Variants in SCHIP1 observed in about 807,000 individuals in gnomAD.
SCHIP1 encodes schwannomin-interacting protein 1.
A neutral mutation model predicts 29.7 loss-of-function variants in SCHIP1; 8 were observed. That is an observed-to-expected ratio of 0.27 (90% CI 0.16 to 0.49). The LOEUF (loss-of-function observed/expected upper bound fraction) is 0.49. Among genes scored for constraint, SCHIP1 ranks in the 20% least tolerant of loss-of-function variants. The pLI is 0.99. For synonymous variants in SCHIP1, 76 were observed against 94.9 expected (o/e 0.80, Z 1.16); for missense variants, 193 against 294.6 (o/e 0.66, Z 2.52).
At chr3:159,493,245 A>G in the SCHIP1 span, among the ~76,000 whole-genome samples, 5 of 152,256 alleles carry the variant, frequency 3.3e-5, no homozygotes, top group South Asian at 2.1e-4. Context: ...AAATTCACAC[A>G]TAACAATACT....
chr3:159,494,342 T>C, the SCHIP1 span, among the ~76,000 whole-genome samples: 2 of 152,032 alleles, frequency 1.3e-5, no homozygotes, highest in South Asian at 2.1e-4. Context: ...ATCAACAAAA[T>C]TGATAGACCG....
At chr3:159,626,393 A>G in the SCHIP1 span, among the ~76,000 whole-genome samples, 1 of 151,458 alleles carries the variant, frequency 6.6e-6, no homozygotes, top group African/African-American at 2.4e-5. Context: ...CCTTCACCTC[A>G]GGGGCTATAT....
chr3:159,840,255 G>A, intron 1 of SCHIP1: 1 of 1,483,012 alleles, frequency 6.7e-7, no homozygotes, highest in Non-Finnish European at 9.1e-7. Context: ...CATCCTTTGG[G>A]AGAGGAGGCC....
At chr3:159,458,573 T>C in the SCHIP1 span, among the ~76,000 whole-genome samples, 1 of 151,990 alleles carries the variant, frequency 6.6e-6, no homozygotes, top group East Asian at 1.9e-4. Context: ...TCTTTTTTTT[T>C]TTTTTAAAGG....
At chr3:159,837,205 G>A (rs1743744328), upstream of SCHIP1, among the ~76,000 whole-genome samples, 1 of 152,096 alleles carries the variant, frequency 6.6e-6, no homozygotes, top group Admixed American at 6.5e-5. Flanking sequence ...AGTCCAGGAA[G>A]CAGCTTTTTA....
the SCHIP1 span, among the ~76,000 whole-genome samples, chr3:159,440,706 C>T: frequency 6.6e-6 from 1 of 152,150 alleles, no homozygotes. Flanking sequence ...TCCACGTCTA[C>T]ACTGTAATTA....
the SCHIP1 span, among the ~76,000 whole-genome samples, chr3:159,828,361 T>TA: frequency 9.9e-6 from 1 of 101,488 alleles, no homozygotes; most frequent in African/African-American, 4.9e-5. Flanking sequence ...AGTGTAACCT[T>TA]TATATATATA....
the SCHIP1 span, among the ~76,000 whole-genome samples, chr3:159,439,860 G>T: frequency 6.6e-6 from 1 of 151,992 alleles, no homozygotes; most frequent in Non-Finnish European, 1.5e-5. Flanking sequence ...AGTTTGTTTT[G>T]CTGTGCAGAA....
the SCHIP1 span, among the ~76,000 whole-genome samples, chr3:159,285,928 T>G: frequency 6.6e-6 from 1 of 152,202 alleles, no homozygotes; most frequent in African/African-American, 2.4e-5. Flanking sequence ...CTTCTCAGTT[T>G]GTTGTTTCTA....
chr3:159,760,973 A>G, the SCHIP1 span, among the ~76,000 whole-genome samples: 1 of 152,214 alleles, frequency 6.6e-6, no homozygotes, highest in Non-Finnish European at 1.5e-5. Flanking sequence ...TGCGAATGTC[A>G]CCCGACCCAG....
intron 2 of SCHIP1, among the ~76,000 whole-genome samples, chr3:159,881,472 T>C (rs1716434345): frequency 6.6e-6 from 1 of 152,222 alleles, no homozygotes; most frequent in Non-Finnish European, 1.5e-5. Context: ...GAGCAATGCA[T>C]GTTCGAAGTC....
chr3:159,600,539 T>C, the SCHIP1 span, among the ~76,000 whole-genome samples: 2 of 152,336 alleles, frequency 1.3e-5, no homozygotes, highest in South Asian at 4.1e-4. Flanking sequence ...AAAACTCTGG[T>C]TTATTTAACA....
the SCHIP1 span, among the ~76,000 whole-genome samples, chr3:159,336,447 A>T: frequency 6.6e-6 from 1 of 152,104 alleles, no homozygotes; most frequent in Non-Finnish European, 1.5e-5. Context: ...GGTATTGCCT[A>T]GGTTTTCTTC....
At chr3:159,644,401 C>A in the SCHIP1 span, among the ~76,000 whole-genome samples, 1 of 152,034 alleles carries the variant, frequency 6.6e-6, no homozygotes. Context: ...GTACGTATGA[C>A]AGAATGAATT....
the SCHIP1 span, among the ~76,000 whole-genome samples, chr3:159,479,042 C>G: frequency 1.3e-5 from 2 of 152,044 alleles, no homozygotes; most frequent in Non-Finnish European, 2.9e-5. Flanking sequence ...ATAAAAATGT[C>G]TTTTCTCTTG....
chr3:159,558,159 G>C, the SCHIP1 span, among the ~76,000 whole-genome samples: 1 of 152,154 alleles, frequency 6.6e-6, no homozygotes, highest in Non-Finnish European at 1.5e-5. Flanking sequence ...AGCCATAAGG[G>C]GGTTTGAGGA....
At chr3:159,645,432 A>C in the SCHIP1 span, among the ~76,000 whole-genome samples, 1 of 152,178 alleles carries the variant, frequency 6.6e-6, no homozygotes, top group Non-Finnish European at 1.5e-5. Context: ...AGACAACTCA[A>C]AAGGTTCTTC....
chr3:159,280,129 A>G, the SCHIP1 span, among the ~76,000 whole-genome samples: 1 of 152,178 alleles, frequency 6.6e-6, no homozygotes, highest in Non-Finnish European at 1.5e-5. Flanking sequence ...ATAAACTAAA[A>G]AAGAAAAGCC....
chr3:159,342,835 G>A, the SCHIP1 span, among the ~76,000 whole-genome samples: 2 of 151,876 alleles, frequency 1.3e-5, no homozygotes, highest in Non-Finnish European at 2.9e-5. Context: ...TAATTATTTG[G>A]GATGAAAATA....
Sources: allele counts gnomAD v4.1 joint callset (sites outside exome capture counted in the v4.1 genomes callset), GRCh38; gene constraint gnomAD v4.1.1; transcripts MANE v1.5; gene names NCBI Gene and HGNC (gene_info 2026-07-23, HGNC 2026-07-21).